PIP4K2A: variants seen among roughly 807,000 people sequenced by gnomAD.
PIP4K2A encodes the protein phosphatidylinositol 5-phosphate 4-kinase type-2 alpha.
Under a neutral mutation model 42.9 loss-of-function variants are expected in PIP4K2A, and 14 were observed. The observed-to-expected ratio is 0.33, with a 90% CI of 0.22 to 0.51. The LOEUF is 0.51. Ranked by LOEUF, PIP4K2A falls within the 20% of genes least tolerant of loss-of-function variation. The pLI, the probability that PIP4K2A is intolerant of heterozygous loss-of-function variation, is 0.97. For missense variants in PIP4K2A, 434 were observed against 519.8 expected, an observed-to-expected ratio of 0.83 and a Z score of 1.61; for synonymous variants, 192 against 192.2, an observed-to-expected ratio of 1.00 and a Z score of 0.01.
At chr10:22,556,740 AACCCACTGG>A (rs1456052569) in intron 6 of PIP4K2A, among the ~76,000 whole-genome samples, 2 of 152,228 alleles carry the variant, frequency 1.3e-5, no homozygotes, top group East Asian at 3.9e-4. Flanking sequence ...GGGAGCAGTG[AACCCACTGG>A]GAACATTTAA....
intron 1 of PIP4K2A, among the ~76,000 whole-genome samples, chr10:22,669,984 G>C (rs910098504): frequency 6.6e-6 from 1 of 152,148 alleles, no homozygotes; most frequent in Non-Finnish European, 1.5e-5. Context: ...ACATAAATTA[G>C]AGCCCCAGGC....
intron 1 of PIP4K2A, among the ~76,000 whole-genome samples, chr10:22,676,592 C>T (rs1839564719): frequency 6.6e-6 from 1 of 152,148 alleles, no homozygotes; most frequent in Admixed American, 6.5e-5. Flanking sequence ...GGGCAAGAGA[C>T]TAACCAGAGG....
intron 4 of PIP4K2A, among the ~76,000 whole-genome samples, chr10:22,575,657 T>C (rs1837095584): frequency 6.6e-6 from 1 of 152,122 alleles, no homozygotes; most frequent in Non-Finnish European, 1.5e-5. Flanking sequence ...TCTGTCTACT[T>C]TGCCAGGCGC....
intron 1 of PIP4K2A, among the ~76,000 whole-genome samples, chr10:22,638,721 A>G (rs1003428455): frequency 1.3e-5 from 2 of 152,216 alleles, no homozygotes; most frequent in African/African-American, 4.8e-5. Flanking sequence ...AAAGAAATTC[A>G]TTGACATATT....
intron 1 of PIP4K2A, among the ~76,000 whole-genome samples, chr10:22,645,804 G>A (rs977804335): frequency 2.6e-5 from 4 of 151,536 alleles, no homozygotes; most frequent in African/African-American, 9.7e-5. Flanking sequence ...GGACTCAGTT[G>A]ATCCTCCCAC....
chr10:22,571,777 A>T (rs1032410430), intron 5 of PIP4K2A, among the ~76,000 whole-genome samples: 5 of 152,226 alleles, frequency 3.3e-5, no homozygotes, highest in African/African-American at 1.2e-4. Flanking sequence ...TCCAAACTTC[A>T]TTATTGTGTG....
At chr10:22,654,145 A>G (rs1024989186) in intron 1 of PIP4K2A, among the ~76,000 whole-genome samples, 2 of 152,240 alleles carry the variant, frequency 1.3e-5, no homozygotes, top group African/African-American at 4.8e-5. Context: ...GCCCAAGGCC[A>G]TTAATATTTC....
Position 22,632,873 on chromosome 10 carries a change from G to A in PIP4K2A, c.145-23156C>T, listed in dbSNP as rs548255641. ...AAAAAATATCTTACTTGTAGGAAGCGGTTGAGTTTCATATTTTGTTTTATA... is the reference window on the plus strand; with the variant it reads ...AAAAAATATCTTACTTGTAGGAAGCAGTTGAGTTTCATATTTTGTTTTATA... On this transcript the variant is annotated intron_variant, in intron 1 of 9. Transcript: ENST00000376573. Among the ~76,000 whole-genome samples the A allele has an allele frequency of 4.6e-5, 7 of 152,246 alleles. No homozygotes were observed. The East Asian group carries it at 5.8e-4, about 13-fold the overall frequency.
At chr10:22,656,624 C>G (rs546601230) in intron 1 of PIP4K2A, among the ~76,000 whole-genome samples, 5 of 151,940 alleles carry the variant, frequency 3.3e-5, no homozygotes, top group African/African-American at 1.2e-4. Context: ...ATGGTGAAAC[C>G]CCATCTCTAC....
chr10:22,599,672 G>A (rs1043946683), intron 3 of PIP4K2A, among the ~76,000 whole-genome samples: 2 of 152,216 alleles, frequency 1.3e-5, no homozygotes, highest in Admixed American at 6.5e-5. Flanking sequence ...ATGATGCAGG[G>A]CAGGTAAGAG....
At chr10:22,597,072 T>C (rs1450305297) in intron 3 of PIP4K2A, among the ~76,000 whole-genome samples, 1 of 152,270 alleles carries the variant, frequency 6.6e-6, no homozygotes, top group African/African-American at 2.4e-5. Flanking sequence ...ACAGCCACAG[T>C]GCTAATGCAG....
intron 1 of PIP4K2A, among the ~76,000 whole-genome samples, chr10:22,616,827 T>C (rs940862890): frequency 2.0e-5 from 3 of 152,246 alleles, no homozygotes; most frequent in Non-Finnish European, 2.9e-5. Flanking sequence ...GAAAGAACTG[T>C]GTGACTGAAA....
intron 1 of PIP4K2A, among the ~76,000 whole-genome samples, chr10:22,698,791 T>C (rs1588714003): frequency 6.6e-6 from 1 of 152,232 alleles, no homozygotes. Context: ...TTAACACTGG[T>C]TGCTTGATAG....
intron 4 of PIP4K2A, among the ~76,000 whole-genome samples, chr10:22,583,352 A>G (rs1172811441): frequency 6.6e-6 from 1 of 152,086 alleles, no homozygotes; most frequent in Non-Finnish European, 1.5e-5. Context: ...TGGCCCCTGT[A>G]CCCCACACAC....
intron 3 of PIP4K2A, among the ~76,000 whole-genome samples, chr10:22,601,793 CG>C: frequency 1.3e-5 from 2 of 152,192 alleles, no homozygotes; most frequent in East Asian, 3.9e-4. Context: ...CCTACCACTA[CG>C]GTAAGTCAAC....
intron 1 of PIP4K2A, among the ~76,000 whole-genome samples, chr10:22,659,362 A>C (rs1469625352): frequency 6.6e-6 from 1 of 152,226 alleles, no homozygotes; most frequent in Non-Finnish European, 1.5e-5. Flanking sequence ...TGGGAGGCCA[A>C]GGTGGGCGGA....
At chr10:22,663,274 G>A (rs1237723455) in intron 1 of PIP4K2A, among the ~76,000 whole-genome samples, 2 of 152,182 alleles carry the variant, frequency 1.3e-5, no homozygotes, top group African/African-American at 4.8e-5. Context: ...TATTTGCTAA[G>A]GTAGTAAATC....
intron 3 of PIP4K2A, among the ~76,000 whole-genome samples, chr10:22,592,034 T>A (rs1837524646): frequency 6.6e-6 from 1 of 152,264 alleles, no homozygotes; most frequent in Admixed American, 6.5e-5. Context: ...TGTCTAGAAT[T>A]ATAATCAAAG....
intron 4 of PIP4K2A, among the ~76,000 whole-genome samples, chr10:22,581,943 C>G (rs1837291283): frequency 6.6e-6 from 1 of 151,858 alleles, no homozygotes; most frequent in Non-Finnish European, 1.5e-5. Flanking sequence ...AAGACCCCAT[C>G]TCTACAAAAA....
Sources: allele counts gnomAD v4.1 joint callset (sites outside exome capture counted in the v4.1 genomes callset), GRCh38; gene constraint gnomAD v4.1.1; transcripts MANE v1.5; gene names NCBI Gene and HGNC (gene_info 2026-07-23, HGNC 2026-07-21).